The following TRIP12 variants were observed in gnomAD, a reference collection of about 807,000 sequenced individuals.
TRIP12 encodes the protein thyroid hormone receptor interactor 12, also known as E3 ubiquitin-protein ligase TRIP12.
A neutral mutation model predicts 244.2 loss-of-function variants in TRIP12; 25 were observed. The observed-to-expected ratio is 0.10, with a 90% CI of 0.07 to 0.14. The LOEUF (loss-of-function observed/expected upper bound fraction) is 0.14. Ranked by LOEUF, TRIP12 falls within the 10% of genes least tolerant of loss-of-function variation. The pLI is 1.00. For missense variants in TRIP12, 1,677 were observed against 2,486.4 expected (o/e 0.67, Z 6.92); for synonymous variants, 905 against 873.1 (o/e 1.04, Z -0.64).
intron 37 of TRIP12, 142 bp from the exon 38 acceptor site, chr2:229,774,403 T>G: frequency 1.2e-6 from 1 of 826,810 alleles, no homozygotes; most frequent in East Asian, 2.8e-5. Flanking sequence ...ATTTTTTTCC[T>G]GGTCATAATC....
chr2:229,810,754 TTTTC>T, intron 15 of TRIP12, 122 bp downstream of exon 15: 1 of 938,990 alleles, frequency 1.1e-6, no homozygotes, highest in Non-Finnish European at 1.6e-6. Flanking sequence ...ATATTAACAC[TTTTC>T]TTTACTATCC....
chr2:229,888,045 T>G (rs569994084), intron 1 of TRIP12, among the ~76,000 whole-genome samples: 3 of 152,362 alleles, frequency 2.0e-5, no homozygotes, highest in African/African-American at 7.2e-5. Context: ...CTAGCTTTAC[T>G]ACAACAGCTT....
chr2:229,920,405 C>T (rs562951006), intron 1 of TRIP12, among the ~76,000 whole-genome samples: 1 of 152,102 alleles, frequency 6.6e-6, no homozygotes, highest in Non-Finnish European at 1.5e-5. Flanking sequence ...GGAAAGGAGA[C>T]AGCAGGAGAG....
intron 22 of TRIP12, 27 bp from the exon 23 acceptor site, chr2:229,799,076 T>C (rs1400839818): frequency 6.2e-7 from 1 of 1,610,164 alleles, no homozygotes; most frequent in Admixed American, 1.7e-5. Flanking sequence ...GAACTACAGT[T>C]AAGTCATTTT....
chr2:229,799,419 T>TTA (rs1342697086), intron 21 of TRIP12, 36 bp from the exon 22 acceptor site: 2 of 1,563,416 alleles, frequency 1.3e-6, no homozygotes, highest in Non-Finnish European at 1.8e-6. Context: ...GTTTAGCAAT[T>TTA]ACCACTGTTT....
At chr2:229,898,117 G>A (rs777932487) in intron 1 of TRIP12, among the ~76,000 whole-genome samples, 2 of 152,164 alleles carry the variant, frequency 1.3e-5, no homozygotes, top group Non-Finnish European at 2.9e-5. Flanking sequence ...TGATAGTTTC[G>A]GAAATACTGG....
chr2:229,785,874 T>C lies in TRIP12; in HGVS notation c.4996-19A>G, dbSNP rs991453069. The C allele has an allele frequency of 1.2e-6, 2 of 1,601,568 alleles. No individual in the cohort carries two copies. Among genetic ancestry groups the C allele is most frequent in the Non-Finnish European group, 1.7e-6 (2 of 1,174,522 alleles). ...CAGTACGCTACAAAGAAAGTACAACTGTCAGGAAACTATGCTCTACCCATA... is the reference window on the plus strand; with the variant it reads ...CAGTACGCTACAAAGAAAGTACAACCGTCAGGAAACTATGCTCTACCCATA... On this transcript the variant is annotated intron_variant, in intron 33 of 41. Coordinates refer to ENST00000675903, the MANE Select transcript of TRIP12 (RefSeq NM_001348323.3).
At chr2:229,873,928 C>T (rs2063140127) in intron 2 of TRIP12, among the ~76,000 whole-genome samples, 1 of 151,770 alleles carries the variant, frequency 6.6e-6, no homozygotes, top group Non-Finnish European at 1.5e-5. Flanking sequence ...GATGTAAAAA[C>T]GGGTCCATAA....
chr2:229,876,203 G>T (rs1053566481), intron 2 of TRIP12, among the ~76,000 whole-genome samples: 3 of 152,154 alleles, frequency 2.0e-5, no homozygotes, highest in Admixed American at 2.0e-4. Flanking sequence ...TAGAACCCAG[G>T]GGGAGGAGGT....
chr2:229,845,772 G>C (rs2057444390), intron 4 of TRIP12, among the ~76,000 whole-genome samples: 1 of 152,014 alleles, frequency 6.6e-6, no homozygotes, highest in Non-Finnish European at 1.5e-5. Context: ...ACATCTGTAA[G>C]CCCAGCAGTT....
chr2:229,783,733 CAA>C (rs2039061507), intron 34 of TRIP12, among the ~76,000 whole-genome samples: 1 of 150,006 alleles, frequency 6.7e-6, no homozygotes, highest in Non-Finnish European at 1.5e-5. Context: ...AAAATCCTGT[CAA>C]ACTTTTTGTA....
chr2:229,898,597 T>A (rs2069602225), intron 1 of TRIP12, among the ~76,000 whole-genome samples: 1 of 152,180 alleles, frequency 6.6e-6, no homozygotes, highest in Non-Finnish European at 1.5e-5. Context: ...CTATTTGTAT[T>A]ATACTATATA....
chr2:229,852,242 C>A (rs1432671823), intron 4 of TRIP12, among the ~76,000 whole-genome samples: 2 of 152,206 alleles, frequency 1.3e-5, no homozygotes, highest in East Asian at 3.9e-4. Context: ...AATAGAACAT[C>A]TGCCTGGAAA....
chr2:229,859,662 T>C, intron 3 of TRIP12, 88 bp from the exon 4 acceptor site: 7 of 1,369,788 alleles, frequency 5.1e-6, no homozygotes, highest in Non-Finnish European at 6.9e-6. Context: ...AAAGTATGAA[T>C]ATGTTCCTAC....
At chr2:229,847,266 CA>C (rs1482833862) in intron 4 of TRIP12, among the ~76,000 whole-genome samples, 2 of 152,200 alleles carry the variant, frequency 1.3e-5, no homozygotes, top group Non-Finnish European at 2.9e-5. Context: ...TGTTTCTCCA[CA>C]ACTATTACCT....
intron 4 of TRIP12, among the ~76,000 whole-genome samples, chr2:229,856,888 A>C (rs2059691661): frequency 6.6e-6 from 1 of 152,212 alleles, no homozygotes; most frequent in African/African-American, 2.4e-5. Context: ...TGTTCTGCAT[A>C]TTTAAAATAC....
rs760334085 is a variant in TRIP12 at position 229,774,169 on chromosome 2, A to G, written c.5622T>C (p.Phe1874=). ...DLGLDFTLPG[F]PNIELKKGGK... ...CTCCTTTCTTCAGTTCGATATTGGG[A>G]AACCCTGGCAGAGTGAAATCCAGTC... is the stretch of plus-strand genomic sequence containing the variant. Residue 1874 remains phenylalanine, a synonymous_variant, in exon 38 of 42, where the codon TTT becomes TTC. Transcript: ENST00000675903. 1.9e-6 allele frequency: 3 copies of G among 1,614,080 alleles called. No homozygotes were observed. The South Asian group carries it at 3.3e-5, about 18-fold the overall frequency.
intron 1 of TRIP12, among the ~76,000 whole-genome samples, chr2:229,896,512 T>C (rs1039640773): frequency 1.3e-5 from 2 of 151,982 alleles, no homozygotes; most frequent in African/African-American, 2.4e-5. Flanking sequence ...GTCAGGAGGC[T>C]GAGGCAGGAG....
chr2:229,857,840 C>T (rs1048199486), intron 4 of TRIP12, among the ~76,000 whole-genome samples: 1 of 152,166 alleles, frequency 6.6e-6, no homozygotes, highest in Non-Finnish European at 1.5e-5. Context: ...ATTCTCAAAA[C>T]ACAAATTCTT....
Sources: gnomAD v4.1 joint callset for allele counts (sites outside exome capture counted in the v4.1 genomes callset) on GRCh38, gnomAD v4.1.1 for gene constraint, MANE v1.5 for transcripts, NCBI Gene and HGNC (gene_info 2026-07-23, HGNC 2026-07-21) for gene names.